The following PALM2AKAP2 variants were observed in gnomAD, a reference collection of about 807,000 sequenced individuals.
PALM2AKAP2 encodes the protein PALM2-AKAP2 fusion protein.
In PALM2AKAP2, 37 loss-of-function variants were observed where a neutral mutation model predicts 71.5. The observed-to-expected ratio is 0.52, with a 90% CI of 0.40 to 0.68. The LOEUF is 0.68. Ranked by LOEUF, PALM2AKAP2 falls within the 30% of genes least tolerant of loss-of-function variation. The pLI, the probability that PALM2AKAP2 is intolerant of heterozygous loss-of-function variation, is 0.00. For missense variants in PALM2AKAP2, 1,224 were observed against 1,191.8 expected, an observed-to-expected ratio of 1.03 and a Z score of -0.40; for synonymous variants, 468 against 478.8, an observed-to-expected ratio of 0.98 and a Z score of 0.29.
At chr9:109,744,724 C>T (rs1426643026) in intron 1 of PALM2AKAP2, among the ~76,000 whole-genome samples, 4 of 152,128 alleles carry the variant, frequency 2.6e-5, no homozygotes, top group Non-Finnish European at 4.4e-5. Flanking sequence ...TTCTAAGCAC[C>T]CCAGATGTTC....
intron 3 of PALM2AKAP2, chr9:110,162,132 G>A: frequency 2.5e-6 from 4 of 1,613,958 alleles, no homozygotes; most frequent in Non-Finnish European, 3.4e-6. Flanking sequence ...TGACTTCCGA[G>A]GTACTTTTCA....
chr9:110,018,503 G>A lies in PALM2AKAP2; in HGVS notation c.582+2464G>A, dbSNP rs564794932. 3.2e-4 allele frequency among the ~76,000 whole-genome samples: 48 copies of A among 151,984 alleles called. No individual in the cohort carries two copies. The South Asian group carries it at 3.5e-3, about 11-fold the overall frequency. The stretch of plus-strand genomic sequence containing the variant: ...GTGCCACCATGCCTGGCTAATTTTC[G>A]TATTTTTAGTAAAGATGGGGTTTCA... On this transcript the variant is annotated intron_variant, in intron 7 of 9. Coordinates refer to the PALM2AKAP2 transcript ENST00000302798.
chr9:109,779,756 G>A (rs1829403463), upstream of PALM2AKAP2, among the ~76,000 whole-genome samples: 1 of 152,204 alleles, frequency 6.6e-6, no homozygotes, highest in African/African-American at 2.4e-5. Context: ...ACTTGGGCAA[G>A]GCAGCCCTTC....
intron 6 of PALM2AKAP2, among the ~76,000 whole-genome samples, chr9:109,979,777 T>A (rs1373825406): frequency 6.6e-6 from 1 of 152,196 alleles, no homozygotes; most frequent in Non-Finnish European, 1.5e-5. Flanking sequence ...ATTTGGTGAA[T>A]GATAATTAAG....
chr9:110,056,024 C>G (rs1437757905), intron 1 of PALM2AKAP2, among the ~76,000 whole-genome samples: 1 of 152,194 alleles, frequency 6.6e-6, no homozygotes, highest in Admixed American at 6.5e-5. Flanking sequence ...ACTGGTCCTG[C>G]AGACCCATGA....
chr9:109,642,377 C>T (rs1185336504), intron 1 of PALM2AKAP2, among the ~76,000 whole-genome samples: 3 of 151,192 alleles, frequency 2.0e-5, no homozygotes, highest in African/African-American at 4.9e-5. Flanking sequence ...TAGAACAGAG[C>T]CTGGCATAAA....
At chr9:110,172,431 T>C (rs1282599444) in exon 4 of PALM2AKAP2, 1 of 152,650 alleles carries the variant, frequency 6.6e-6, no homozygotes, top group African/African-American at 2.4e-5. Flanking sequence ...CCTGCTTTGG[T>C]TTTAGAGTGA....
chr9:109,923,360 C>G (rs537159223), intron 3 of PALM2AKAP2, among the ~76,000 whole-genome samples: 12 of 152,322 alleles, frequency 7.9e-5, no homozygotes, highest in Non-Finnish European at 1.3e-4. Flanking sequence ...AGCACTTACT[C>G]TGAGCCGGTC....
In PALM2AKAP2 at chr9:110,039,037, C is replaced by T. The variant is rs560647978; in HGVS notation, c.582+22998C>T. Among the ~76,000 whole-genome samples the T allele has an allele frequency of 2.0e-5, 3 of 151,748 alleles. No individual in the cohort carries two copies. In the South Asian group the frequency reaches 6.3e-4, roughly 32 times the overall value. ...AGCCAAGGCGGGGAATTGCTTGAGCCCAGGAGTTCAAGACCAGCCTGTGCA... is the reference window on the plus strand; with the variant it reads ...AGCCAAGGCGGGGAATTGCTTGAGCTCAGGAGTTCAAGACCAGCCTGTGCA... On this transcript the variant is annotated intron_variant, in intron 7 of 9. Transcript: ENST00000302798.
At chr9:109,929,812 T>C in intron 5 of PALM2AKAP2, among the ~76,000 whole-genome samples, 1 of 134,218 alleles carries the variant, frequency 7.5e-6, no homozygotes, top group African/African-American at 2.9e-5. Context: ...TGCAGTGAGC[T>C]GAGATTGCGC....
At chr9:109,990,067 C>CT (rs35739397) in intron 6 of PALM2AKAP2, among the ~76,000 whole-genome samples, 8,243 of 134,102 alleles carry the variant, frequency 0.061, 310 homozygotes, top group African/African-American at 0.1. Context: ...TTCTTTCTTT[C>CT]TTTTTTTTTT....
At chr9:110,035,547 G>T (rs1235037096) in intron 7 of PALM2AKAP2, among the ~76,000 whole-genome samples, 1 of 141,494 alleles carries the variant, frequency 7.1e-6, no homozygotes, top group Non-Finnish European at 1.5e-5. Context: ...TATGTTGTGT[G>T]TTATATATAA....
At chr9:109,837,832 T>C (rs987477654) in intron 1 of PALM2AKAP2, among the ~76,000 whole-genome samples, 3 of 152,166 alleles carry the variant, frequency 2.0e-5, no homozygotes, top group Non-Finnish European at 2.9e-5. Flanking sequence ...GAGCTAACTA[T>C]CCTAAATATA....
rs555552057 is a variant in PALM2AKAP2 at position 109,684,354 on chromosome 9, C to T, written c.5+43488C>T. Among the ~76,000 whole-genome samples the T allele has an allele frequency of 6.6e-5, 10 of 152,230 alleles. No homozygotes were observed. In the East Asian group the frequency reaches 1.9e-3, roughly 29 times the overall value. On this transcript the variant is annotated intron_variant, in intron 1 of 6. Transcript: ENST00000374531. Reference sequence around the variant, plus strand: ...AGTTTCTAATGCGCTAATGCCCGGGCCCCACTCTAGACCCCTCTGAATCAG... The same window carrying T: ...AGTTTCTAATGCGCTAATGCCCGGGTCCCACTCTAGACCCCTCTGAATCAG...
chr9:110,126,742 C>T (rs780138408), intron 1 of PALM2AKAP2, among the ~76,000 whole-genome samples: 14 of 152,224 alleles, frequency 9.2e-5, no homozygotes, highest in Non-Finnish European at 1.6e-4. Context: ...TCCTTTCCTC[C>T]CCTCCCCGCT....
At chr9:109,783,282 G>A (rs1044487601) in intron 1 of PALM2AKAP2, among the ~76,000 whole-genome samples, 3 of 151,784 alleles carry the variant, frequency 2.0e-5, no homozygotes, top group Admixed American at 6.6e-5. Context: ...CCTGTGGGGG[G>A]TCAGAAGCAA....
In PALM2AKAP2 at chr9:110,029,997, GAT is replaced by G. The variant is rs1833249729; in HGVS notation, c.582+13959_582+13960del. On this transcript the variant is annotated intron_variant, in intron 7 of 9. Transcript: ENST00000302798. ...TTGTAGTTATCAGGAAAAGTTGTTG[GAT>G]TCATAGAGTAGGGGCCAAGGGAAAA... is the stretch of plus-strand genomic sequence containing the variant. Among the ~76,000 whole-genome samples, 3 of 152,266 alleles carry G rather than the reference GAT, an allele frequency of 2.0e-5. No homozygotes were observed. The South Asian group carries it at 6.2e-4, about 32-fold the overall frequency.
intron 2 of PALM2AKAP2, among the ~76,000 whole-genome samples, chr9:110,142,141 G>A (rs967325704): frequency 4.8e-5 from 7 of 147,174 alleles, no homozygotes; most frequent in African/African-American, 1.5e-4. Flanking sequence ...GGGCAAACTC[G>A]GCTCACTGCA....
intron 7 of PALM2AKAP2, among the ~76,000 whole-genome samples, chr9:110,037,327 C>T (rs1180655853): frequency 6.6e-6 from 1 of 152,176 alleles, no homozygotes; most frequent in Non-Finnish European, 1.5e-5. Context: ...CTGCCTCAGC[C>T]TCCCGAGTAG....
Sources: allele counts gnomAD v4.1 joint callset (sites outside exome capture counted in the v4.1 genomes callset), GRCh38; gene constraint gnomAD v4.1.1; transcripts MANE v1.5; gene names NCBI Gene and HGNC (gene_info 2026-07-23, HGNC 2026-07-21).